Variants in TAFA1 observed in about 807,000 individuals in gnomAD.
TAFA1 encodes the protein TAFA chemokine like family member 1.
TAFA1 carries 4 observed loss-of-function variants against 18.5 expected under a neutral mutation model. The ratio of observed to expected loss-of-function variants is 0.22; its 90% CI spans 0.11 to 0.49. The LOEUF (loss-of-function observed/expected upper bound fraction) is 0.49. TAFA1 is among the 20% of genes least tolerant of loss of function. The pLI, the probability that TAFA1 is intolerant of heterozygous loss-of-function variation, is 0.98. For synonymous variants in TAFA1, 56 were observed against 55.2 expected, an observed-to-expected ratio of 1.01 and a Z score of -0.06; for missense variants, 147 against 169.0, an observed-to-expected ratio of 0.87 and a Z score of 0.72.
chr3:68,539,014 T>C (rs2073321576), intron 4 of TAFA1, 134 bp downstream of exon 4: 2 of 860,824 alleles, frequency 2.3e-6, no homozygotes, highest in South Asian at 1.8e-5. Context: ...TTCTGAACTA[T>C]GCAGATCAGT....
intron 2 of TAFA1, among the ~76,000 whole-genome samples, chr3:68,071,498 G>A (rs1046466946): frequency 2.0e-5 from 3 of 152,172 alleles, no homozygotes; most frequent in African/African-American, 7.2e-5. Flanking sequence ...ATGGGGTGAT[G>A]GAGGGAAATC....
intron 2 of TAFA1, among the ~76,000 whole-genome samples, chr3:68,285,272 C>T (rs1240022012): frequency 1.3e-5 from 2 of 152,036 alleles, no homozygotes; most frequent in Admixed American, 6.6e-5. Flanking sequence ...CTGAGAGTAC[C>T]TGATGAATTG....
chr3:68,128,697 C>T (rs989976500), intron 2 of TAFA1, among the ~76,000 whole-genome samples: 1 of 152,136 alleles, frequency 6.6e-6, no homozygotes, highest in Non-Finnish European at 1.5e-5. Flanking sequence ...ATATTTGGTA[C>T]TTAAAGCAGG....
chr3:68,526,333 TC>T lies in TAFA1; in HGVS notation c.260-12422del, dbSNP rs1356201042. 5.3e-5 allele frequency among the ~76,000 whole-genome samples: 8 copies of T among 152,326 alleles called. 1 individual carries two copies. The South Asian group carries it at 1.7e-3, about 32-fold the overall frequency. ...TTCAGTGCTGGCATCTAAAATGTGT[TC>T]TCTATTTAAATTTTATTTATATCAA... On this transcript the variant is annotated intron_variant, in intron 3 of 4. Transcript: ENST00000478136.
upstream of TAFA1, among the ~76,000 whole-genome samples, chr3:68,003,289 G>A (rs147563592): frequency 1.7e-4 from 26 of 152,288 alleles, no homozygotes; most frequent in East Asian, 4.8e-3. Flanking sequence ...CAGCAGCATT[G>A]GACCTTCTTT....
intron 2 of TAFA1, among the ~76,000 whole-genome samples, chr3:68,177,322 T>A (rs951299218): frequency 5.9e-5 from 9 of 152,172 alleles, no homozygotes; most frequent in Non-Finnish European, 8.8e-5. Context: ...CCAGCTCTTT[T>A]AGAAAACTGA....
At chr3:68,420,748 C>G (rs1319362510) in intron 3 of TAFA1, among the ~76,000 whole-genome samples, 1 of 152,020 alleles carries the variant, frequency 6.6e-6, no homozygotes. Flanking sequence ...CCCCCGAATC[C>G]CCACAACGAA....
chr3:68,398,475 A>G (rs1339669443), intron 2 of TAFA1, among the ~76,000 whole-genome samples: 1 of 152,206 alleles, frequency 6.6e-6, no homozygotes, highest in Admixed American at 6.5e-5. Flanking sequence ...CCCTAGAAGG[A>G]TCTTCCATTT....
At chr3:68,399,864 T>C (rs2070455213) in intron 2 of TAFA1, among the ~76,000 whole-genome samples, 1 of 152,170 alleles carries the variant, frequency 6.6e-6, no homozygotes. Context: ...GCTGTCAGCA[T>C]TGGATCTAGT....
chr3:68,203,752 GATAAAACCCC>G (rs1439519979), intron 2 of TAFA1, among the ~76,000 whole-genome samples: 1 of 151,648 alleles, frequency 6.6e-6, no homozygotes, highest in East Asian at 2.0e-4. Flanking sequence ...GTTAGGCTCT[GATAAAACCCC>G]ATCAAGTTAG....
upstream of TAFA1, among the ~76,000 whole-genome samples, chr3:68,002,769 A>G (rs1704297937): frequency 2.0e-5 from 3 of 152,174 alleles, no homozygotes; most frequent in Admixed American, 6.5e-5. Context: ...GTCTTTTACT[A>G]CCACACAACC....
chr3:68,462,381 G>A (rs540799328), intron 3 of TAFA1, among the ~76,000 whole-genome samples: 3 of 152,106 alleles, frequency 2.0e-5, no homozygotes, highest in Non-Finnish European at 4.4e-5. Context: ...AGATCTGATG[G>A]TTTCATAAAT....
chr3:68,316,683 CATGCCTGATGCTATACTAGGT>C (rs2068611364), intron 2 of TAFA1, among the ~76,000 whole-genome samples: 1 of 152,138 alleles, frequency 6.6e-6, no homozygotes, highest in Non-Finnish European at 1.5e-5. Flanking sequence ...CCACTTTGTA[CATGCCTGATGCTATACTAGGT>C]ACCAGGGGAT....
chr3:68,309,287 GA>G (rs1392590762), intron 2 of TAFA1, among the ~76,000 whole-genome samples: 11 of 152,092 alleles, frequency 7.2e-5, no homozygotes, highest in African/African-American at 2.7e-4. Context: ...ATACAAAAGT[GA>G]AATAATAATC....
intron 2 of TAFA1, chr3:68,145,509 C>T: frequency 9.8e-7 from 1 of 1,018,108 alleles, no homozygotes. Flanking sequence ...AAGCCAGTTG[C>T]AGGGGCCCTG....
chr3:68,464,184 A>G (rs2071838453), intron 3 of TAFA1, among the ~76,000 whole-genome samples: 1 of 152,162 alleles, frequency 6.6e-6, no homozygotes, highest in Non-Finnish European at 1.5e-5. Flanking sequence ...AGACTGGTCT[A>G]TTTGCTGGAG....
chr3:68,217,577 T>C (rs1292685721), intron 2 of TAFA1, among the ~76,000 whole-genome samples: 1 of 152,020 alleles, frequency 6.6e-6, no homozygotes, highest in Non-Finnish European at 1.5e-5. Context: ...TAGTTAATAA[T>C]ATATTGAAAT....
In TAFA1 at chr3:68,355,907, A is replaced by G. The variant is rs146874821; in HGVS notation, c.119-61373A>G. Among the ~76,000 whole-genome samples the G allele has an allele frequency of 8.4e-4, 128 of 152,142 alleles. No individual in the cohort carries two copies. The Middle Eastern group carries it at 0.01, about 12-fold the overall frequency. On this transcript the variant is annotated intron_variant, in intron 2 of 4. Transcript: ENST00000478136. ...TACGGCAAACTGGTAGTCACAAACT[A>G]CATATGACTATTTAAATTTGTTACT... is the stretch of plus-strand genomic sequence containing the variant.
At chr3:68,087,837 A>T (rs1275712479) in intron 2 of TAFA1, among the ~76,000 whole-genome samples, 2 of 152,046 alleles carry the variant, frequency 1.3e-5, no homozygotes, top group East Asian at 3.9e-4. Context: ...ACGATCTCTT[A>T]CTATTGGAAT....
Sources: gnomAD v4.1 joint callset for allele counts (sites outside exome capture counted in the v4.1 genomes callset) on GRCh38, gnomAD v4.1.1 for gene constraint, MANE v1.5 for transcripts, NCBI Gene and HGNC (gene_info 2026-07-23, HGNC 2026-07-21) for gene names.